SCRG1: variants seen among roughly 807,000 people sequenced by gnomAD.
SCRG1 encodes stimulator of chondrogenesis 1, also known as scrapie-responsive protein 1.
Under a neutral mutation model 7.7 loss-of-function variants are expected in SCRG1, and 3 were observed. The ratio of observed to expected loss-of-function variants is 0.39; its 90% confidence interval spans 0.18 to 1.01. SCRG1 has a LOEUF of 1.01. Among genes scored for constraint, SCRG1 ranks in the 50% least tolerant of loss-of-function variants. SCRG1 has a pLI of 0.36. For missense variants in SCRG1, 110 were observed against 117.2 expected (o/e 0.94, Z 0.28); for synonymous variants, 46 against 41.2 (o/e 1.12, Z -0.44).
the SCRG1 span, among the ~76,000 whole-genome samples, chr4:173,496,835 G>A: frequency 1.3e-5 from 2 of 152,106 alleles, no homozygotes; most frequent in African/African-American, 4.8e-5. Context: ...AGCCAGGTGC[G>A]GTGGCTCACA....
the SCRG1 span, among the ~76,000 whole-genome samples, chr4:173,484,094 C>CATATATA: frequency 0.35 from 14,541 of 41,898 alleles, 1,623 homozygotes; most frequent in Middle Eastern, 0.44. Flanking sequence ...TATAATATAC[C>CATATATA]ATATATAATA....
chr4:173,483,258 TATATCATATATGATATATA>T, the SCRG1 span, among the ~76,000 whole-genome samples: 2 of 66,326 alleles, frequency 3.0e-5, no homozygotes, highest in Non-Finnish European at 5.4e-5. Context: ...TCATATATGA[TATATCATATATGATATATA>T]ATATATGATA....
At chr4:173,446,112 A>T in the SCRG1 span, among the ~76,000 whole-genome samples, 2 of 152,184 alleles carry the variant, frequency 1.3e-5, no homozygotes, top group Non-Finnish European at 2.9e-5. Context: ...GGATCAAATG[A>T]TACAGAATTA....
the SCRG1 span, among the ~76,000 whole-genome samples, chr4:173,422,572 G>A: frequency 1.8e-4 from 28 of 152,122 alleles, no homozygotes; most frequent in African/African-American, 6.3e-4. Flanking sequence ...CATTACTAGC[G>A]GACACATCTT....
chr4:173,486,084 T>A, the SCRG1 span, among the ~76,000 whole-genome samples: 1 of 152,204 alleles, frequency 6.6e-6, no homozygotes, highest in Non-Finnish European at 1.5e-5. Flanking sequence ...TTAAAGTAAA[T>A]CCTAGAATTA....
chr4:173,407,228 G>A (rs1340254137), upstream of SCRG1, among the ~76,000 whole-genome samples: 3 of 142,094 alleles, frequency 2.1e-5, no homozygotes, highest in Non-Finnish European at 4.6e-5. Flanking sequence ...AAAAATAGAG[G>A]TGCTGGGGCT....
the SCRG1 span, among the ~76,000 whole-genome samples, chr4:173,479,435 G>GTTTGT: frequency 9.5e-5 from 12 of 125,970 alleles, no homozygotes; most frequent in East Asian, 2.6e-3. Context: ...TTGTTTGTTT[G>GTTTGT]TTTTTTTGTT....
the SCRG1 span, among the ~76,000 whole-genome samples, chr4:173,417,600 C>CTCCTTCCT: frequency 0.021 from 3,233 of 151,606 alleles, 140 homozygotes; most frequent in African/African-American, 0.074. Flanking sequence ...CCCTCCCTCC[C>CTCCTTCCT]TCCTTCCTTC....
At chr4:173,434,626 T>C in the SCRG1 span, among the ~76,000 whole-genome samples, 1 of 151,768 alleles carries the variant, frequency 6.6e-6, no homozygotes, top group East Asian at 1.9e-4. Flanking sequence ...AGGTCAGGAG[T>C]TCGATACCAT....
At chr4:173,460,310 C>T in the SCRG1 span, among the ~76,000 whole-genome samples, 1 of 152,144 alleles carries the variant, frequency 6.6e-6, no homozygotes, top group Admixed American at 6.5e-5. Flanking sequence ...ATGGGGCATG[C>T]GACATACTGA....
the SCRG1 span, among the ~76,000 whole-genome samples, chr4:173,483,263 C>T: frequency 7.0e-4 from 15 of 21,296 alleles, no homozygotes; most frequent in Admixed American, 1.8e-3. Flanking sequence ...TATGATATAT[C>T]ATATATGATA....
chr4:173,408,858 T>C (rs1236255290), upstream of SCRG1, among the ~76,000 whole-genome samples: 2 of 151,692 alleles, frequency 1.3e-5, no homozygotes, highest in Non-Finnish European at 2.9e-5. Context: ...CCGGATGTGG[T>C]GGCGGGCGCC....
At chr4:173,452,926 A>G in the SCRG1 span, among the ~76,000 whole-genome samples, 1 of 152,362 alleles carries the variant, frequency 6.6e-6, no homozygotes, top group East Asian at 1.9e-4. Flanking sequence ...TGAAGCTCCC[A>G]TGGAAAGATA....
chr4:173,452,426 C>T, the SCRG1 span, among the ~76,000 whole-genome samples: 29 of 152,242 alleles, frequency 1.9e-4, 1 homozygote, highest in African/African-American at 7.0e-4. Flanking sequence ...AGAAAATCCA[C>T]ATACAAGTGG....
At chr4:173,402,588 T>G (rs550377384), upstream of SCRG1, among the ~76,000 whole-genome samples, 1 of 152,292 alleles carries the variant, frequency 6.6e-6, no homozygotes, top group African/African-American at 2.4e-5. Context: ...CTTAAGCTTG[T>G]GAGAGAAAAA....
chr4:173,485,400 T>C, the SCRG1 span, among the ~76,000 whole-genome samples: 1 of 149,540 alleles, frequency 6.7e-6, no homozygotes, highest in East Asian at 2.0e-4. Flanking sequence ...CAACAACAAG[T>C]ACCAAACATG....
At chr4:173,477,930 A>G in the SCRG1 span, among the ~76,000 whole-genome samples, 9 of 151,896 alleles carry the variant, frequency 5.9e-5, no homozygotes, top group African/African-American at 2.2e-4. Flanking sequence ...CACCATACCC[A>G]GGTAATTTTT....
the SCRG1 span, among the ~76,000 whole-genome samples, chr4:173,428,239 T>A: frequency 6.6e-6 from 1 of 152,232 alleles, no homozygotes; most frequent in Non-Finnish European, 1.5e-5. Context: ...CCCTTAACAA[T>A]ATAATTCATG....
At chr4:173,514,504 G>T in the SCRG1 span, among the ~76,000 whole-genome samples, 1 of 152,244 alleles carries the variant, frequency 6.6e-6, no homozygotes, top group South Asian at 2.1e-4. Context: ...GCTTTACCTA[G>T]GTGTAAAAGT....
Sources: allele counts gnomAD v4.1 joint callset (sites outside exome capture counted in the v4.1 genomes callset), GRCh38; gene constraint gnomAD v4.1.1; transcripts MANE v1.5; gene names NCBI Gene and HGNC (gene_info 2026-07-23, HGNC 2026-07-21).